ABHD12: variants seen among roughly 807,000 people sequenced by gnomAD.
ABHD12 encodes lysophosphatidylserine lipase ABHD12.
Under a neutral mutation model 58.3 loss-of-function variants are expected in ABHD12, and 43 were observed. The ratio of observed to expected loss-of-function variants is 0.74; its 90% CI spans 0.58 to 0.95. ABHD12 has a LOEUF of 0.95. ABHD12 is among the 40% of genes least tolerant of loss of function. The pLI is 0.00. For synonymous variants in ABHD12, 219 were observed against 211.2 expected, an observed-to-expected ratio of 1.04 and a Z score of -0.32; for missense variants, 539 against 537.2, an observed-to-expected ratio of 1.00 and a Z score of -0.03.
In ABHD12 at chr20:25,317,094, G is replaced by A. The variant is rs1179765705; in HGVS notation, c.543-16C>T. 2 of 1,608,194 alleles carry A rather than the reference G, an allele frequency of 1.2e-6. No homozygotes were observed. Among genetic ancestry groups the A allele is most frequent in the Non-Finnish European group, 1.7e-6 (2 of 1,175,516 alleles). On this transcript the variant is annotated splice_polypyrimidine_tract_variant and intron_variant, in intron 4 of 12. Coordinates refer to ENST00000339157, the MANE Select transcript of ABHD12 (RefSeq NM_001042472.3). ...GTCGCCTCCTCTGGAGAAGAAAACAGGACATGGTGTGAGCACATCTTCTCA... is the reference window on the plus strand; with the variant it reads ...GTCGCCTCCTCTGGAGAAGAAAACAAGACATGGTGTGAGCACATCTTCTCA...
intron 11 of ABHD12, chr20:25,303,301 T>C (rs1465810078): frequency 3.0e-6 from 4 of 1,330,636 alleles, no homozygotes; most frequent in East Asian, 3.5e-5. Context: ...TTATTTTTCA[T>C]ATTCTTGGAG....
intron 1 of ABHD12, among the ~76,000 whole-genome samples, chr20:25,358,988 T>C (rs1180348789): frequency 1.3e-5 from 2 of 151,684 alleles, no homozygotes; most frequent in Admixed American, 6.6e-5. Flanking sequence ...ATGTTAACAA[T>C]AGTTACTGTT....
chr20:25,352,488 C>T (rs940264668), intron 1 of ABHD12, among the ~76,000 whole-genome samples: 5 of 152,044 alleles, frequency 3.3e-5, no homozygotes, highest in African/African-American at 9.7e-5. Context: ...CAGGGTTTCA[C>T]CATGTTGGCC....
chr20:25,305,994 C>T (rs376714366), intron 10 of ABHD12, among the ~76,000 whole-genome samples: 4 of 151,808 alleles, frequency 2.6e-5, no homozygotes, highest in Admixed American at 1.3e-4. Context: ...GGTGAAACCC[C>T]GTCTCTACAA....
At chr20:25,388,767 G>A (rs2090128439) in intron 1 of ABHD12, among the ~76,000 whole-genome samples, 1 of 147,590 alleles carries the variant, frequency 6.8e-6, no homozygotes, top group South Asian at 2.2e-4. Flanking sequence ...CAAACGTTGT[G>A]TAAAACAATT....
chr20:25,370,008 C>T (rs953262797), intron 1 of ABHD12, among the ~76,000 whole-genome samples: 1 of 150,862 alleles, frequency 6.6e-6, no homozygotes, highest in African/African-American at 2.4e-5. Context: ...GGTCCTTGCC[C>T]TTTGTTTTTT....
At chr20:25,311,866 A>G (rs1409065830) in intron 6 of ABHD12, among the ~76,000 whole-genome samples, 2 of 152,068 alleles carry the variant, frequency 1.3e-5, no homozygotes, top group African/African-American at 2.4e-5. Flanking sequence ...CACCAGGCTC[A>G]GCTACTTTTT....
intron 1 of ABHD12, among the ~76,000 whole-genome samples, chr20:25,384,895 C>T (rs936999130): frequency 1.3e-5 from 2 of 152,282 alleles, no homozygotes; most frequent in South Asian, 2.1e-4. Context: ...CTGTTCTCTC[C>T]ACTTCTCAGC....
intron 10 of ABHD12, among the ~76,000 whole-genome samples, chr20:25,304,277 T>A (rs1379123308): frequency 1.3e-5 from 2 of 152,168 alleles, no homozygotes; most frequent in East Asian, 3.9e-4. Flanking sequence ...CCCCGCCCTG[T>A]CTGTGCTGCT....
chr20:25,342,337 G>A (rs2089465893), intron 1 of ABHD12, among the ~76,000 whole-genome samples: 1 of 152,118 alleles, frequency 6.6e-6, no homozygotes, highest in African/African-American at 2.4e-5. Context: ...CCAGGTCACT[G>A]GCAGATTTTC....
intron 10 of ABHD12, 98 bp downstream of exon 10, chr20:25,306,735 A>G (rs1271289375): frequency 6.9e-6 from 6 of 868,226 alleles, no homozygotes; most frequent in Non-Finnish European, 1.1e-5. Flanking sequence ...AATACACTGA[A>G]TTCCATCCTA....
chr20:25,368,822 T>C (rs1010861807), intron 1 of ABHD12: 6 of 578,836 alleles, frequency 1.0e-5, no homozygotes, highest in Non-Finnish European at 1.9e-5. Context: ...TACTTTCTTT[T>C]AAAAAAATTA....
intron 1 of ABHD12, among the ~76,000 whole-genome samples, chr20:25,376,920 T>C (rs1600875272): frequency 1.3e-5 from 2 of 152,286 alleles, no homozygotes; most frequent in East Asian, 3.9e-4. Context: ...AACTCTTTAT[T>C]ACTTTGGAAT....
Position 25,307,713 on chromosome 20 carries a change from C to A in ABHD12, c.867+253G>T, listed in dbSNP as rs141892206. Among the ~76,000 whole-genome samples the A allele has an allele frequency of 8.6e-3, 1,315 of 152,354 alleles. 16 individuals are homozygous for A. Among genetic ancestry groups the A allele is most frequent in the Admixed American group, 0.019 (294 of 15,306 alleles). On this transcript the variant is annotated intron_variant, in intron 9 of 12. Coordinates refer to ENST00000339157, the MANE Select transcript of ABHD12 (RefSeq NM_001042472.3). Reference sequence around the variant, plus strand: ...CAATACAATGCAGTCGATGACACCACGTGAGCCCGGCCTCCACTGTGTCCA... The same window carrying A: ...CAATACAATGCAGTCGATGACACCAAGTGAGCCCGGCCTCCACTGTGTCCA...
At chr20:25,301,028 G>A (rs1266505568) in intron 12 of ABHD12, 144 bp from the exon 13 acceptor site, 2 of 845,818 alleles carry the variant, frequency 2.4e-6, no homozygotes, top group East Asian at 2.6e-5. Flanking sequence ...CTGTAGCCCA[G>A]AGCAGCACTC....
intron 1 of ABHD12, among the ~76,000 whole-genome samples, chr20:25,386,350 C>G (rs1182027797): frequency 6.0e-5 from 9 of 150,278 alleles, no homozygotes; most frequent in Admixed American, 6.6e-5. Flanking sequence ...GCTCCACCTC[C>G]CGGATTCATG....
chr20:25,300,171 A>T, downstream of ABHD12: 1 of 988,882 alleles, frequency 1.0e-6, no homozygotes, highest in Non-Finnish European at 1.2e-6. Flanking sequence ...TGGGGCATGG[A>T]GGAGGCAACA....
chr20:25,374,340 G>A (rs977859711), intron 1 of ABHD12, among the ~76,000 whole-genome samples: 1 of 152,130 alleles, frequency 6.6e-6, no homozygotes, highest in Admixed American at 6.5e-5. Flanking sequence ...TTCTTTAGCA[G>A]TGTTTAATCT....
At chr20:25,357,076 C>CTATG (rs2089678740) in intron 1 of ABHD12, among the ~76,000 whole-genome samples, 1 of 152,172 alleles carries the variant, frequency 6.6e-6, no homozygotes, top group African/African-American at 2.4e-5. Flanking sequence ...ACTCCAGAGA[C>CTATG]TATGTCTGGG....
Sources: allele counts gnomAD v4.1 joint callset (sites outside exome capture counted in the v4.1 genomes callset), GRCh38; gene constraint gnomAD v4.1.1; transcripts MANE v1.5; gene names NCBI Gene and HGNC (gene_info 2026-07-23, HGNC 2026-07-21).